FREM1: variants seen among roughly 807,000 people sequenced by gnomAD.
FREM1 encodes FRAS1-related extracellular matrix protein 1.
FREM1 carries 220 observed loss-of-function variants against 210.1 expected under a neutral mutation model. That is an observed-to-expected ratio of 1.05 (90% CI 0.94 to 1.17). FREM1 has a LOEUF of 1.17. FREM1 is among the 50% of genes most tolerant of loss of function. The probability of loss-of-function intolerance (pLI) is 0.00; values close to 1 mark genes in which losing one functional copy is unlikely to be tolerated. For synonymous variants in FREM1, 1,189 were observed against 980.2 expected (o/e 1.21, Z -3.98); for missense variants, 3,454 against 2,675.5 (o/e 1.29, Z -6.42).
chr9:14,749,156 C>T (rs1190346249), intron 30 of FREM1, among the ~76,000 whole-genome samples: 1 of 152,128 alleles, frequency 6.6e-6, no homozygotes, highest in African/African-American at 2.4e-5. Flanking sequence ...GAAACCTCAC[C>T]AATTAGTATT....
At chr9:14,763,232 A>G (rs1182378737) in intron 27 of FREM1, among the ~76,000 whole-genome samples, 6 of 152,106 alleles carry the variant, frequency 3.9e-5, no homozygotes, top group Admixed American at 2.6e-4. Context: ...CTGTGTGGGA[A>G]TGATGTTTAG....
At chr9:14,860,806 T>TGC (rs1829926726) in intron 3 of FREM1, among the ~76,000 whole-genome samples, 1 of 119,334 alleles carries the variant, frequency 8.4e-6, no homozygotes, top group African/African-American at 3.3e-5. Context: ...TACACATATA[T>TGC]ACATATATAC....
At chr9:14,785,078 C>A (rs1441496840) in intron 23 of FREM1, among the ~76,000 whole-genome samples, 1 of 152,146 alleles carries the variant, frequency 6.6e-6, no homozygotes, top group East Asian at 1.9e-4. Context: ...GCAATTCCAC[C>A]CCAGCTATGT....
intron 13 of FREM1, among the ~76,000 whole-genome samples, chr9:14,822,318 G>A (rs1216697995): frequency 3.3e-5 from 5 of 152,122 alleles, no homozygotes; most frequent in Non-Finnish European, 7.4e-5. Flanking sequence ...GGCCCTCAGG[G>A]TAAGACCTCT....
chr9:14,784,008 C>G (rs1355123487), intron 24 of FREM1, among the ~76,000 whole-genome samples: 1 of 152,180 alleles, frequency 6.6e-6, no homozygotes, highest in Non-Finnish European at 1.5e-5. Context: ...CTCAGCTTTT[C>G]ACATTTCTCC....
chr9:14,765,017 T>G (rs932293386), intron 27 of FREM1, among the ~76,000 whole-genome samples: 1 of 152,202 alleles, frequency 6.6e-6, no homozygotes, highest in South Asian at 2.1e-4. Context: ...TGAACCTTCA[T>G]GAATTCTCAT....
chr9:14,897,990 T>C (rs1838048329), intron 1 of FREM1, among the ~76,000 whole-genome samples: 1 of 152,232 alleles, frequency 6.6e-6, no homozygotes, highest in South Asian at 2.1e-4. Context: ...TCATTTTTCA[T>C]AATTTTTCTT....
intron 27 of FREM1, among the ~76,000 whole-genome samples, chr9:14,766,717 C>A (rs1846481785): frequency 6.6e-6 from 1 of 152,148 alleles, no homozygotes; most frequent in African/African-American, 2.4e-5. Flanking sequence ...CCAGATGGCA[C>A]CCCGCAGTCC....
In FREM1 at chr9:14,861,210, TACATATATACACATATATAC is replaced by T. The variant is rs754819352; in HGVS notation, c.330-1746_330-1727del. 2.2e-3 allele frequency among the ~76,000 whole-genome samples: 174 copies of T among 79,954 alleles called. 23 individuals are homozygous for T. In the Middle Eastern group the frequency reaches 0.023, roughly 11 times the overall value. The allele number at this position is 79,954 out of a possible 152,430, so 52.5% of individuals were successfully genotyped here. ...ACATATATACATATATACACACATA[TACATATATACACATATATAC>T]ACATATATACACACATATATACATA... is the stretch of plus-strand genomic sequence containing the variant. On this transcript the variant is annotated intron_variant, in intron 3 of 36. Coordinates refer to ENST00000380880, the MANE Select transcript of FREM1 (RefSeq NM_001379081.2).
At chr9:14,879,366 G>C (rs1001752282) in intron 1 of FREM1, among the ~76,000 whole-genome samples, 14 of 152,098 alleles carry the variant, frequency 9.2e-5, no homozygotes, top group Admixed American at 5.9e-4. Context: ...GAGACTTCCT[G>C]ATGATTGGCC....
chr9:14,751,487 A>G (rs1019759742), intron 29 of FREM1, among the ~76,000 whole-genome samples: 10 of 152,104 alleles, frequency 6.6e-5, no homozygotes, highest in African/African-American at 2.4e-4. Context: ...CATCTCTACA[A>G]TAAAACAAAA....
At chr9:14,828,332 T>A (rs994314336) in intron 10 of FREM1, among the ~76,000 whole-genome samples, 2 of 152,180 alleles carry the variant, frequency 1.3e-5, no homozygotes, top group Non-Finnish European at 2.9e-5. Flanking sequence ...CTGTTGAGTT[T>A]TGGATCCTTT....
intron 24 of FREM1, among the ~76,000 whole-genome samples, chr9:14,781,541 T>TA (rs1849644364): frequency 6.6e-6 from 1 of 152,176 alleles, no homozygotes; most frequent in African/African-American, 2.4e-5. Flanking sequence ...CTTGCAAGCA[T>TA]AAAAAATTTG....
chr9:14,838,503 A>ACT (rs1825040124), intron 10 of FREM1, among the ~76,000 whole-genome samples: 1 of 151,868 alleles, frequency 6.6e-6, no homozygotes, highest in Admixed American at 6.6e-5. Flanking sequence ...ACACACACAC[A>ACT]CACACATACA....
chr9:14,825,547 G>GTGTGTGTGTGTA, intron 10 of FREM1, among the ~76,000 whole-genome samples: 9 of 75,900 alleles, frequency 1.2e-4, no homozygotes, highest in Non-Finnish European at 1.7e-4. Context: ...GTGTGTGTGT[G>GTGTGTGTGTGTA]TATATATATA....
intron 10 of FREM1, among the ~76,000 whole-genome samples, chr9:14,837,792 A>T (rs949017940): frequency 6.6e-6 from 1 of 152,204 alleles, no homozygotes; most frequent in Non-Finnish European, 1.5e-5. Flanking sequence ...TATTTTGATA[A>T]CCGGATTTAA....
At chr9:14,854,946 A>G (rs944358151) in intron 5 of FREM1, among the ~76,000 whole-genome samples, 1 of 152,120 alleles carries the variant, frequency 6.6e-6, no homozygotes, top group Non-Finnish European at 1.5e-5. Flanking sequence ...TCATTTCTGG[A>G]TGAAAAGACT....
At chr9:14,752,970 T>C (rs1226973263) in intron 29 of FREM1, among the ~76,000 whole-genome samples, 1 of 152,254 alleles carries the variant, frequency 6.6e-6, no homozygotes, top group African/African-American at 2.4e-5. Flanking sequence ...TAAGTGCTTC[T>C]GATTTGTTTG....
At chr9:14,809,858 CA>C (rs1819072825) in intron 16 of FREM1, among the ~76,000 whole-genome samples, 1 of 149,542 alleles carries the variant, frequency 6.7e-6, no homozygotes. Flanking sequence ...GAAGGAAATG[CA>C]GTGTGGTTAG....
Sources: gnomAD v4.1 joint callset for allele counts (sites outside exome capture counted in the v4.1 genomes callset) on GRCh38, gnomAD v4.1.1 for gene constraint, MANE v1.5 for transcripts, NCBI Gene and HGNC (gene_info 2026-07-23, HGNC 2026-07-21) for gene names.